Variants in LAMC1 observed in about 807,000 individuals in gnomAD.
LAMC1 encodes the protein laminin subunit gamma 1.
A neutral mutation model predicts 173.6 loss-of-function variants in LAMC1; 38 were observed. The ratio of observed to expected loss-of-function variants is 0.22; its 90% CI spans 0.17 to 0.29. LAMC1 has a LOEUF of 0.29. Among genes scored for constraint, LAMC1 ranks in the 10% least tolerant of loss-of-function variants. LAMC1 has a pLI of 1.00. For missense variants in LAMC1, 1,824 were observed against 2,051.8 expected, an observed-to-expected ratio of 0.89 and a Z score of 2.14; for synonymous variants, 746 against 749.1, an observed-to-expected ratio of 1.00 and a Z score of 0.07.
chr1:183,120,167 CAAA>C (rs55642592), intron 11 of LAMC1, among the ~76,000 whole-genome samples: 1 of 64,728 alleles, frequency 1.5e-5, no homozygotes. Context: ...GGATCTATCT[CAAA>C]AAAAAAAAAA....
intron 3 of LAMC1, among the ~76,000 whole-genome samples, chr1:183,108,950 A>G (rs1178701893): frequency 6.6e-6 from 1 of 152,212 alleles, no homozygotes; most frequent in Non-Finnish European, 1.5e-5. Flanking sequence ...TGGATAAGGA[A>G]GGAGAGGATG....
At chr1:183,092,516 A>T (rs112983586) in intron 1 of LAMC1, among the ~76,000 whole-genome samples, 7,021 of 152,124 alleles carry the variant, frequency 0.046, 354 homozygotes, top group African/African-American at 0.12. Flanking sequence ...TTGCATTTTC[A>T]AAAGCTCTGT....
chr1:183,122,355 C>CCT lies in LAMC1; in HGVS notation c.2401+104_2401+105insCT, dbSNP rs1656500728. 3.7e-6 allele frequency: 4 copies of CCT among 1,086,176 alleles called. No homozygotes were observed. The East Asian group carries it at 9.5e-5, about 26-fold the overall frequency. The allele number at this position is 1,086,176 out of a possible 1,614,324, so 67.3% of individuals were successfully genotyped here. A position where few individuals can be genotyped will look rare whatever the true frequency, so the allele number is the denominator to read the frequency against. On this transcript the variant is annotated intron_variant, in intron 13 of 27. Coordinates refer to ENST00000258341, the MANE Select transcript of LAMC1 (RefSeq NM_002293.4). ...TGGATCTTTGTGTTTGGTTCAGTTT[C>CCT]AGTGGTTATGGTTTTCCTAATAGGA... is the stretch of plus-strand genomic sequence containing the variant.
At chr1:183,105,224 CA>C (rs35512159) in intron 2 of LAMC1, among the ~76,000 whole-genome samples, 161 of 42,848 alleles carry the variant, frequency 3.8e-3, no homozygotes, top group African/African-American at 0.013. Flanking sequence ...GACTCCATCT[CA>C]AAAAAAAAAA....
intron 1 of LAMC1, among the ~76,000 whole-genome samples, chr1:183,059,408 C>CTA (rs1322246664): frequency 6.6e-6 from 1 of 152,174 alleles, no homozygotes; most frequent in Admixed American, 6.5e-5. Context: ...GTAATCCCAG[C>CTA]TACATGGAAG....
intron 1 of LAMC1, 84 bp downstream of exon 1, chr1:183,024,218 C>T: frequency 1.5e-6 from 2 of 1,328,112 alleles, no homozygotes; most frequent in Non-Finnish European, 2.0e-6. Context: ...GCCGGCCTCA[C>T]GGGCGCAGAC....
At chr1:183,121,607 C>A in intron 11 of LAMC1, 116 bp from the exon 12 acceptor site, 1 of 809,178 alleles carries the variant, frequency 1.2e-6, no homozygotes, top group Non-Finnish European at 1.9e-6. Context: ...CCCAGTTAAG[C>A]AAATGGCTAA....
chr1:183,123,920 T>A (rs952869571), intron 13 of LAMC1, among the ~76,000 whole-genome samples: 1 of 152,142 alleles, frequency 6.6e-6, no homozygotes, highest in Non-Finnish European at 1.5e-5. Context: ...TACAAAGATA[T>A]CACGAGCCCA....
intron 5 of LAMC1, among the ~76,000 whole-genome samples, chr1:183,115,171 C>T (rs1191065027): frequency 1.3e-5 from 2 of 151,980 alleles, no homozygotes; most frequent in Non-Finnish European, 2.9e-5. Flanking sequence ...TCATTTAGGC[C>T]TATATATACT....
intron 18 of LAMC1, 31 bp downstream of exon 18, chr1:183,128,781 G>A (rs1656697350): frequency 6.5e-7 from 1 of 1,532,506 alleles, no homozygotes; most frequent in South Asian, 1.3e-5. Context: ...CATGACTTCT[G>A]TGAGATGGAC....
At position 183,066,530 on chromosome 1, in the gene LAMC1, C is replaced by T. The variant is rs112456940; in HGVS notation, c.419-36798C>T. On this transcript the variant is annotated intron_variant, in intron 1 of 27. Transcript: ENST00000258341. ...CATACGTTTATTGCAGCACTGTTCA[C>T]AATAGCAAGGACTTGGAACCAACCC... Among the ~76,000 whole-genome samples, 1,392 of 152,232 alleles carry T rather than the reference C, an allele frequency of 9.1e-3. 15 individuals are homozygous for T. The highest frequency in any genetic ancestry group is 0.032 in the African/African-American group (1,327 of 41,514).
intron 1 of LAMC1, among the ~76,000 whole-genome samples, chr1:183,100,475 T>C (rs1385126696): frequency 2.0e-5 from 3 of 152,212 alleles, no homozygotes; most frequent in Non-Finnish European, 2.9e-5. Context: ...TAGACAACTC[T>C]AATTCCTATG....
At chr1:183,041,792 T>C (rs1206127488) in intron 1 of LAMC1, among the ~76,000 whole-genome samples, 1 of 152,216 alleles carries the variant, frequency 6.6e-6, no homozygotes, top group African/African-American at 2.4e-5. Context: ...CTGACTTTTA[T>C]GCCCCTAGTG....
chr1:183,024,709 TTA>T lies in LAMC1; in HGVS notation c.418+576_418+577del, dbSNP rs148397595. 3.8e-3 allele frequency among the ~76,000 whole-genome samples: 578 copies of T among 152,358 alleles called. 5 individuals carry two copies. Among genetic ancestry groups the T allele is most frequent in the African/African-American group, 0.013 (553 of 41,578 alleles). Reference sequence around the variant, plus strand: ...TATTGTTCTTTATAGCTGCTCAGCCTTAATTAAGAACCACAAAGCGATTTGAC... The same window carrying T: ...TATTGTTCTTTATAGCTGCTCAGCCTATTAAGAACCACAAAGCGATTTGAC... On this transcript the variant is annotated intron_variant, in intron 1 of 27. Transcript: ENST00000258341.
Position 183,125,075 on chromosome 1 carries a change from T to C in LAMC1, c.2647+199T>C, listed in dbSNP as rs2093983. On this transcript the variant is annotated intron_variant, in intron 14 of 27. Coordinates refer to ENST00000258341, the MANE Select transcript of LAMC1 (RefSeq NM_002293.4). ...TCATGGTGGCTGACACCTGTGGTCC[T>C]GTAAAAAGAAACAGGTGAAATGAAT... 353,464 of 637,646 alleles carry C rather than the reference T, an allele frequency of 0.55. 100,210 individuals are homozygous for C. Among genetic ancestry groups the C allele is most frequent in the South Asian group, 0.65 (30,061 of 46,602 alleles). The allele number at this position is 637,646 out of a possible 1,614,324, so 39.5% of individuals were successfully genotyped here.
chr1:183,137,407 A>G (rs1656975608), intron 25 of LAMC1, among the ~76,000 whole-genome samples: 1 of 152,204 alleles, frequency 6.6e-6, no homozygotes, highest in African/African-American at 2.4e-5. Context: ...GCAATAATAG[A>G]ACAGAAGTTT....
At chr1:183,078,213 A>G (rs1655169930) in intron 1 of LAMC1, among the ~76,000 whole-genome samples, 1 of 152,180 alleles carries the variant, frequency 6.6e-6, no homozygotes, top group Non-Finnish European at 1.5e-5. Context: ...AAATGTGCTT[A>G]AGGCCCAAAG....
chr1:183,055,508 G>A (rs574845470), intron 1 of LAMC1, among the ~76,000 whole-genome samples: 139 of 152,058 alleles, frequency 9.1e-4, no homozygotes, highest in African/African-American at 3.2e-3. Context: ...ATTGATGTGA[G>A]GATTAAATGA....
intron 2 of LAMC1, 26 bp from the exon 3 acceptor site, chr1:183,108,250 A>T (rs1571444871): frequency 1.1e-5 from 18 of 1,607,130 alleles, no homozygotes; most frequent in East Asian, 4.5e-5. Flanking sequence ...CTTCTCTTTT[A>T]TGTTTCTATT....
Sources: allele counts gnomAD v4.1 joint callset (sites outside exome capture counted in the v4.1 genomes callset), GRCh38; gene constraint gnomAD v4.1.1; transcripts MANE v1.5; gene names NCBI Gene and HGNC (gene_info 2026-07-23, HGNC 2026-07-21).